Variants in CXCL11 observed in about 807,000 individuals in gnomAD.
CXCL11 encodes C-X-C motif chemokine 11.
Under a neutral mutation model 9.7 loss-of-function variants are expected in CXCL11, and 7 were observed. The ratio of observed to expected loss-of-function variants is 0.72; its 90% CI spans 0.41 to 1.36. The LOEUF (loss-of-function observed/expected upper bound fraction) is 1.36. Among genes scored for constraint, CXCL11 ranks in the 40% most tolerant of loss-of-function variants. The pLI is 0.01. For synonymous variants in CXCL11, 35 were observed against 34.4 expected, an observed-to-expected ratio of 1.02 and a Z score of -0.06; for missense variants, 107 against 113.4, an observed-to-expected ratio of 0.94 and a Z score of 0.26.
At position 76,034,803 on chromosome 4, in the gene CXCL11, T is replaced by C. The variant is rs1369097230; in HGVS notation, c.275A>G (p.Lys92Arg). ...TATGTTTTGATATTTTTAAAAATTCTTTCTTTCAACTTTCTGGAATAAGAA... is the reference window on the plus strand; with the variant it reads ...TATGTTTTGATATTTTTAAAAATTCCTTCTTTCAACTTTCTGGAATAAGAA... ...ARLIIKKVER[K>R]NF Residue 92 changes from lysine (K) to arginine (R), a missense_variant, in exon 4 of 4, where the codon AAG (lysine) becomes AGG (arginine). Physicochemically the swap from Lys to Arg is conservative, Grantham distance 26. Transcript: ENST00000306621. 8.4e-6 allele frequency: 13 copies of C among 1,554,014 alleles called. No homozygotes were observed. The highest frequency in any genetic ancestry group is 1.2e-5 in the Non-Finnish European group (13 of 1,129,784).
chr4:76,034,171 G>T lies in CXCL11; in HGVS notation c.*622C>A. 2.9e-6 allele frequency: 1 copy of T among 339,258 alleles called. No homozygotes were observed. Among genetic ancestry groups the T allele is most frequent in the Non-Finnish European group, 5.3e-6 (1 of 189,740 alleles). The allele number at this position is 339,258 out of a possible 1,614,324, so 21.0% of individuals were successfully genotyped here. A position where few individuals can be genotyped will look rare whatever the true frequency, so the allele number is the denominator to read the frequency against. ...ATAAAACAAACCAAATGATGCATAA[G>T]AATGTCTCCCTACATATTGATGTGC... On this transcript the variant is annotated 3_prime_UTR_variant, in exon 4 of 4. Transcript: ENST00000306621.
chr4:76,034,919 C>T, intron 3 of CXCL11, 103 bp from the exon 4 acceptor site: 2 of 1,343,444 alleles, frequency 1.5e-6, no homozygotes, highest in Non-Finnish European at 2.1e-6. Context: ...CAACCAAGGA[C>T]CCCTTAACAG....
Position 76,035,939 on chromosome 4 carries a change from T to C in CXCL11, c.49A>G (p.Thr17Ala), listed in dbSNP as rs776540552. ...AIALAVILCA[T>A]VVQGFPMFKR... The stretch of plus-strand genomic sequence containing the variant: ...AATTACTGCATACCTTGAACAACTG[T>C]AGCACACAATATCACAGCCAAGGCT... The change falls in exon 1 of 4, where the codon ACA (threonine) becomes GCA (alanine). Residue 17 changes from threonine to alanine, a missense_variant. Transcript: ENST00000306621. 55 of 1,613,702 alleles carry C rather than the reference T, an allele frequency of 3.4e-5. No individual in the cohort carries two copies. The highest frequency in any genetic ancestry group is 4.6e-5 in the Non-Finnish European group (54 of 1,179,844).
In CXCL11 at chr4:76,034,738, C is replaced by T. The variant is rs1024734657; in HGVS notation, c.*55G>A. 1.1e-5 allele frequency: 14 copies of T among 1,312,620 alleles called. No individual in the cohort carries two copies. Among genetic ancestry groups the T allele is most frequent in the Non-Finnish European group, 1.5e-5 (14 of 924,024 alleles). 81.3% of individuals were successfully genotyped at this position (1,312,620 alleles called of 1,614,324 possible). A position where few individuals can be genotyped will look rare whatever the true frequency, so the allele number is the denominator to read the frequency against. On this transcript the variant is annotated 3_prime_UTR_variant, in exon 4 of 4. Transcript: ENST00000306621. ...TGTCATTTCAGTAGTCACAGTTAAA[C>T]TTGTTCTAGGTTTTTCAGATGCTCT...
Position 76,034,435 on chromosome 4 carries a change from T to G in CXCL11, c.*358A>C. On this transcript the variant is annotated 3_prime_UTR_variant, in exon 4 of 4. Coordinates refer to ENST00000306621, the MANE Select transcript of CXCL11 (RefSeq NM_005409.5). The stretch of plus-strand genomic sequence containing the variant: ...TGTAAGCATCAAATCTAGAAGGTTC[T>G]CTAGCCTAGAAATGCATGAATGTAT... 2.1e-6 allele frequency: 1 copy of G among 483,696 alleles called. No homozygotes were observed. Among genetic ancestry groups the G allele is most frequent in the Non-Finnish European group, 3.6e-6 (1 of 281,128 alleles). 30.0% of individuals were successfully genotyped at this position (483,696 alleles called of 1,614,324 possible). A position where few individuals can be genotyped will look rare whatever the true frequency, so the allele number is the denominator to read the frequency against.
rs1203654457 is a variant in CXCL11, at chr4:76,034,100, A to AT, written c.*692dup. On this transcript the variant is annotated 3_prime_UTR_variant, in exon 4 of 4. Transcript: ENST00000306621. The stretch of plus-strand genomic sequence containing the variant: ...TTTTGCCAGTATCCCATAGCGTATA[A>AT]TTTTTTTCATAGTACATTTTATGAA... 1 of 204,074 alleles carries AT rather than the reference A, an allele frequency of 4.9e-6. No homozygotes were observed. Among genetic ancestry groups the AT allele is most frequent in the Non-Finnish European group, 9.7e-6 (1 of 103,266 alleles). 12.6% of individuals were successfully genotyped at this position (204,074 alleles called of 1,614,324 possible).
intron 2 of CXCL11, 44 bp downstream of exon 2, chr4:76,035,172 A>G (rs1471100725): frequency 1.2e-6 from 2 of 1,613,336 alleles, no homozygotes; most frequent in Non-Finnish European, 1.7e-6. Context: ...TACATAAACA[A>G]AAAAGCCTGC....
rs1436351705 is a variant in CXCL11 at position 76,035,315 on chromosome 4, C to G, written c.89G>C (p.Cys30Ser). ...TTTTACCCCAGGGCCTATGCAAAGA[C>G]AGCGTCCTCTTTTGAACATGGGGAA... is the stretch of plus-strand genomic sequence containing the variant. ...QGFPMFKRGRCLCIGPGVKAV... is the reference protein window; with the variant it reads ...QGFPMFKRGRSLCIGPGVKAV... Residue 30 changes from cysteine to serine, a missense_variant, in exon 2 of 4, where the codon TGT (cysteine) becomes TCT (serine). By Grantham distance (112) the Cys-to-Ser change is moderately radical (BLOSUM62 -1). Coordinates refer to ENST00000306621, the MANE Select transcript of CXCL11 (RefSeq NM_005409.5). 1 of 1,614,030 alleles carries G rather than the reference C, an allele frequency of 6.2e-7. No individual in the cohort carries two copies. The highest frequency in any genetic ancestry group is 1.3e-5 in the African/African-American group (1 of 75,060).
chr4:76,033,856 G>A lies in CXCL11; in HGVS notation c.*937C>T, dbSNP rs948077880. ...TACAAAAAGTAAAAGTGATTGCTAG[G>A]TATACATTTGCTTATTTTTCAACAT... On this transcript the variant is annotated 3_prime_UTR_variant, in exon 4 of 4. Coordinates refer to ENST00000306621, the MANE Select transcript of CXCL11 (RefSeq NM_005409.5). The A allele has an allele frequency of 6.6e-6, 1 of 152,086 alleles. No homozygotes were observed. The highest frequency in any genetic ancestry group is 2.1e-4 in the South Asian group (1 of 4,832). 9.4% of individuals were successfully genotyped at this position (152,086 alleles called of 1,614,324 possible).
chr4:76,035,223 CTA>C lies in CXCL11; in HGVS notation c.179_180del (p.Ile60ArgfsTer10). 6.2e-7 allele frequency: 1 copy of C among 1,614,088 alleles called. No individual in the cohort carries two copies. The highest frequency in any genetic ancestry group is 8.5e-7 in the Non-Finnish European group (1 of 1,179,930). On this transcript the variant is annotated frameshift_variant, in exon 2 of 4. Coordinates refer to ENST00000306621, the MANE Select transcript of CXCL11 (RefSeq NM_005409.5). LOFTEE classifies it high-confidence loss of function. ...AGCAAGTTCATTACTTACATCACTT[CTA>C]TTTTGTCACAGTTGTTACTTGGGTA... ...IMYPSNNCDK[I>X]EVIITLKENK...
At chr4:76,035,800 G>T in intron 1 of CXCL11, 127 bp downstream of exon 1, 1 of 775,140 alleles carries the variant, frequency 1.3e-6, no homozygotes. Context: ...TGCTAAAGCT[G>T]TAGTAACTTC....
chr4:76,034,934 T>C, intron 3 of CXCL11, 113 bp downstream of exon 3: 1 of 1,355,468 alleles, frequency 7.4e-7, no homozygotes, highest in Non-Finnish European at 1.0e-6. Flanking sequence ...TAACAGAATA[T>C]TTCACACAGG....
rs1186841831 is a variant in CXCL11, at chr4:76,034,817, C to A, written c.262-1G>T. The stretch of plus-strand genomic sequence containing the variant: ...TTTAAAAATTCTTTCTTTCAACTTT[C>A]TGGAATAAGAAAACAAGAGTTTTAT... On this transcript the variant is annotated splice_acceptor_variant, in intron 3 of 3. Coordinates refer to ENST00000306621, the MANE Select transcript of CXCL11 (RefSeq NM_005409.5). LOFTEE classifies it high-confidence loss of function. 1.3e-6 allele frequency: 2 copies of A among 1,554,658 alleles called. No homozygotes were observed. Among genetic ancestry groups the A allele is most frequent in the East Asian group, 2.3e-5 (1 of 44,418 alleles).
intron 1 of CXCL11, among the ~76,000 whole-genome samples, chr4:76,035,685 A>G (rs988970689): frequency 1.3e-5 from 2 of 152,244 alleles, no homozygotes; most frequent in Admixed American, 6.5e-5. Context: ...AACTGTTGCT[A>G]AAGGCTTTTG....
In CXCL11 at chr4:76,036,029, T is replaced by G. The variant is rs371284323; in HGVS notation, c.-42A>C. The G allele has an allele frequency of 1.5e-5, 24 of 1,583,998 alleles. No homozygotes were observed. The African/African-American group carries it at 2.8e-4, about 19-fold the overall frequency. ...TGCTGCTGGTGCTGCTGCTGCTACT[T>G]CAGCTTTGCTGCTCTTCTTGGAAGG... On this transcript the variant is annotated 5_prime_UTR_variant, in exon 1 of 4. Coordinates refer to ENST00000306621, the MANE Select transcript of CXCL11 (RefSeq NM_005409.5).
In CXCL11 at chr4:76,035,291, T is replaced by G. The variant is rs1358109572; in HGVS notation, c.113A>C (p.Lys38Thr). 1 of 1,614,050 alleles carries G rather than the reference T, an allele frequency of 6.2e-7. No individual in the cohort carries two copies. Residue 38 changes from lysine (K) to threonine (T), a missense_variant, in exon 2 of 4, where the codon AAA becomes ACA. Transcript: ENST00000306621. The stretch of plus-strand genomic sequence containing the variant: ...CTCAATATCTGCCACTTTCACTGCT[T>G]TTACCCCAGGGCCTATGCAAAGACA... ...GRCLCIGPGV[K>T]AVKVADIEKA...
chr4:76,035,043 T>A lies in CXCL11; in HGVS notation c.261+4A>T, dbSNP rs1474860871. 6.2e-7 allele frequency: 1 copy of A among 1,610,844 alleles called. No individual in the cohort carries two copies. The highest frequency in any genetic ancestry group is 8.5e-7 in the Non-Finnish European group (1 of 1,177,314). The stretch of plus-strand genomic sequence containing the variant: ...TATAACATGGGAGTAATTTGGTAAC[T>A]TACTTTGATTATAAGCCTTGCTTGC... On this transcript the variant is annotated splice_donor_region_variant and intron_variant, in intron 3 of 3. Transcript: ENST00000306621.
chr4:76,034,897 G>A, intron 3 of CXCL11, 81 bp from the exon 4 acceptor site: 2 of 1,401,764 alleles, frequency 1.4e-6, no homozygotes, highest in Non-Finnish European at 2.0e-6. Flanking sequence ...TAGTAAGAAG[G>A]GGAAGCTGTT....
chr4:76,035,902 T>C, intron 1 of CXCL11, 25 bp downstream of exon 1: 1 of 1,603,460 alleles, frequency 6.2e-7, no homozygotes, highest in Non-Finnish European at 8.5e-7. Context: ...AACTTATAGG[T>C]TGAGAAATAA....
Sources: gnomAD v4.1 joint callset for allele counts (sites outside exome capture counted in the v4.1 genomes callset) on GRCh38, gnomAD v4.1.1 for gene constraint, MANE v1.5 for transcripts, NCBI Gene and HGNC (gene_info 2026-07-23, HGNC 2026-07-21) for gene names.